CDK5RAP2: variants seen among roughly 807,000 people sequenced by gnomAD.
The protein encoded by CDK5RAP2 is CDK5 regulatory subunit associated protein 2.
Under a neutral mutation model 232.9 loss-of-function variants are expected in CDK5RAP2, and 147 were observed. The ratio of observed to expected loss-of-function variants is 0.63; its 90% CI spans 0.55 to 0.72. The LOEUF (loss-of-function observed/expected upper bound fraction) is 0.72. Ranked by LOEUF, CDK5RAP2 falls within the 30% of genes least tolerant of loss-of-function variation. The pLI is 0.00. For synonymous variants in CDK5RAP2, 833 were observed against 833.7 expected (o/e 1.00, Z 0.01); for missense variants, 2,195 against 2,231.5 (o/e 0.98, Z 0.33).
At position 120,546,802 on chromosome 9, in the gene CDK5RAP2, C is replaced by CGTTT. The variant is rs780886302; in HGVS notation, c.307-1016_307-1013dup. ...GCGTGCACTGCCACACCCGTCTTTT[C>CGTTT]GTTTGTTTGTTTGTTTTACAGATTG... On this transcript the variant is annotated intron_variant, in intron 4 of 37. Coordinates refer to ENST00000349780, the MANE Select transcript of CDK5RAP2 (RefSeq NM_018249.6). Among the ~76,000 whole-genome samples the CGTTT allele has an allele frequency of 2.6e-5, 4 of 151,804 alleles. No individual in the cohort carries two copies. In the South Asian group the frequency reaches 6.2e-4, roughly 24 times the overall value.
chr9:120,482,182 A>T (rs1461231006), intron 14 of CDK5RAP2, among the ~76,000 whole-genome samples: 2 of 152,156 alleles, frequency 1.3e-5, no homozygotes, highest in Non-Finnish European at 2.9e-5. Flanking sequence ...AAAACAATAA[A>T]TATGGATTTC....
Position 120,580,035 on chromosome 9 carries a change from C to T in CDK5RAP2, c.-57G>A, listed in dbSNP as rs2043187837. 1 of 1,198,914 alleles carries T rather than the reference C, an allele frequency of 8.3e-7. No individual in the cohort carries two copies. The highest frequency in any genetic ancestry group is 2.5e-5 in the East Asian group (1 of 40,708). The allele number at this position is 1,198,914 out of a possible 1,614,324, so 74.3% of individuals were successfully genotyped here. Reference sequence around the variant, plus strand: ...GTGGCGGCGGCGCCACTAGTACCCCCCGCGATAGCGACCCGCCGGGCTCCC... The same window carrying T: ...GTGGCGGCGGCGCCACTAGTACCCCTCGCGATAGCGACCCGCCGGGCTCCC... On this transcript the variant is annotated 5_prime_UTR_variant, in exon 1 of 38. Transcript: ENST00000349780.
In CDK5RAP2 at chr9:120,539,118, G is replaced by A. The variant is rs763240159; in HGVS notation, c.430C>T (p.Arg144Trp). Residue 144 changes from arginine to tryptophan, a missense_variant, in exon 6 of 38, where the codon CGG becomes TGG. By Grantham distance (101) the Arg-to-Trp change is moderately radical (BLOSUM62 -3). Coordinates refer to ENST00000349780, the MANE Select transcript of CDK5RAP2 (RefSeq NM_018249.6). ...TTCTTTCGAGCATCTTCTTTCACCCGCTGGATTTCAGAGCCACCTGCTTCA... is the reference window on the plus strand; with the variant it reads ...TTCTTTCGAGCATCTTCTTTCACCCACTGGATTTCAGAGCCACCTGCTTCA... ...LAEAGGSEIQ[R>W]VKEDARKKVQ... is the part of the protein sequence containing the mutation. 1.2e-6 allele frequency: 2 copies of A among 1,613,846 alleles called. No individual in the cohort carries two copies. The highest frequency in any genetic ancestry group is 8.5e-7 in the Non-Finnish European group (1 of 1,179,842).
chr9:120,477,569 C>T (rs2038083461), intron 14 of CDK5RAP2, 119 bp from the exon 15 acceptor site: 5 of 810,538 alleles, frequency 6.2e-6, no homozygotes, highest in Non-Finnish European at 1.1e-5. Flanking sequence ...GTGAGAGAGG[C>T]CCTGTGCCTG....
intron 11 of CDK5RAP2, among the ~76,000 whole-genome samples, chr9:120,522,460 A>G (rs889996991): frequency 1.4e-5 from 2 of 147,518 alleles, no homozygotes; most frequent in Admixed American, 6.7e-5. Context: ...TTTAAAGTAT[A>G]TATGTATATA....
At chr9:120,434,602 C>T (rs1011765839) in intron 25 of CDK5RAP2, among the ~76,000 whole-genome samples, 29 of 152,136 alleles carry the variant, frequency 1.9e-4, no homozygotes, top group African/African-American at 7.0e-4. Flanking sequence ...CGAGCTGAAG[C>T]GGTGGCAGCA....
intron 11 of CDK5RAP2, among the ~76,000 whole-genome samples, chr9:120,519,144 A>C (rs2040503035): frequency 6.6e-6 from 1 of 151,934 alleles, no homozygotes; most frequent in Non-Finnish European, 1.5e-5. Flanking sequence ...ACTGCACTCC[A>C]GCCTGGGTGA....
intron 25 of CDK5RAP2, among the ~76,000 whole-genome samples, chr9:120,430,297 A>C (rs1292470255): frequency 6.6e-6 from 1 of 152,220 alleles, no homozygotes; most frequent in Non-Finnish European, 1.5e-5. Flanking sequence ...TGCACAGCTA[A>C]AGAAACTACC....
At chr9:120,479,999 A>G (rs1164166027) in intron 14 of CDK5RAP2, among the ~76,000 whole-genome samples, 1 of 152,216 alleles carries the variant, frequency 6.6e-6, no homozygotes, top group East Asian at 1.9e-4. Flanking sequence ...TTCTCTCAAA[A>G]GGCTCAGAAA....
intron 23 of CDK5RAP2, 134 bp downstream of exon 23, chr9:120,443,486 C>T: frequency 9.4e-7 from 1 of 1,061,820 alleles, no homozygotes; most frequent in Non-Finnish European, 1.5e-6. Flanking sequence ...CCTCAGCTTC[C>T]CATGTGTTAG....
chr9:120,492,385 T>G (rs2038953827), intron 12 of CDK5RAP2, among the ~76,000 whole-genome samples: 1 of 152,182 alleles, frequency 6.6e-6, no homozygotes, highest in South Asian at 2.1e-4. Flanking sequence ...GATAGCATAC[T>G]GCCATTTATT....
intron 32 of CDK5RAP2, among the ~76,000 whole-genome samples, chr9:120,404,750 A>G (rs2131284570): frequency 6.6e-6 from 1 of 152,324 alleles, no homozygotes; most frequent in Admixed American, 6.5e-5. Context: ...AGGCTGCCAC[A>G]CTAACCTAAG....
intron 12 of CDK5RAP2, among the ~76,000 whole-genome samples, chr9:120,511,923 A>G (rs2040109945): frequency 6.6e-6 from 1 of 151,894 alleles, no homozygotes; most frequent in African/African-American, 2.4e-5. Flanking sequence ...TTTTTAGTCG[A>G]TACAGGATTT....
chr9:120,487,674 G>A (rs1206821881), intron 13 of CDK5RAP2, among the ~76,000 whole-genome samples: 1 of 152,146 alleles, frequency 6.6e-6, no homozygotes, highest in African/African-American at 2.4e-5. Context: ...AAGGATGGTC[G>A]CAGTCGCTAC....
rs756353704 is a variant in CDK5RAP2 at position 120,487,415 on chromosome 9, T to C, written c.1505A>G (p.Glu502Gly). 3.1e-6 allele frequency: 5 copies of C among 1,608,378 alleles called. No homozygotes were observed. In the South Asian group the frequency reaches 5.6e-5, roughly 18 times the overall value. Residue 502 changes from glutamate to glycine, a missense_variant, in exon 14 of 38, where the codon GAA becomes GGA. Transcript: ENST00000349780. ...TAAATAGCAGTTCTGCTGTATTACT[T>C]CCAAATCTTTTTCATTGAATTTCTA... The part of the protein sequence containing the change: ...LLQKFNEKDL[E>G]VIQQNCYLMA...
At chr9:120,484,870 G>A (rs1404957181) in intron 14 of CDK5RAP2, among the ~76,000 whole-genome samples, 2 of 151,752 alleles carry the variant, frequency 1.3e-5, no homozygotes, top group African/African-American at 2.4e-5. Context: ...GTGCACCACT[G>A]TGCCAACCTA....
chr9:120,467,948 T>C lies in CDK5RAP2; in HGVS notation c.2018A>G (p.His673Arg), dbSNP rs772690769. The change falls in exon 18 of 38, where the codon CAC (histidine) becomes CGC (arginine). Residue 673 changes from histidine to arginine, a missense_variant. By Grantham distance (29) the His-to-Arg change is conservative. Transcript: ENST00000349780. The stretch of plus-strand genomic sequence containing the variant: ...GAGATCAAAAATGGTTTTCTTCAGG[T>C]GCTGGTTGTCTGTATACAGCTCCTT... The part of the protein sequence containing the change: ...LVKELYTDNQ[H>R]LKKTIFDLSC... The C allele has an allele frequency of 2.5e-6, 4 of 1,613,992 alleles. No homozygotes were observed. The highest frequency in any genetic ancestry group is 2.2e-5 in the East Asian group (1 of 44,896).
intron 9 of CDK5RAP2, 31 bp from the exon 10 acceptor site, chr9:120,527,956 T>C: frequency 1.2e-6 from 2 of 1,612,772 alleles, no homozygotes; most frequent in Admixed American, 1.7e-5. Flanking sequence ...ATTCACTAAG[T>C]TGATGCGTTC....
intron 4 of CDK5RAP2, among the ~76,000 whole-genome samples, chr9:120,546,202 G>T: frequency 6.6e-6 from 1 of 152,174 alleles, no homozygotes; most frequent in Non-Finnish European, 1.5e-5. Context: ...TGTGGTGGAT[G>T]CAGCAGTGGG....
Sources: allele counts gnomAD v4.1 joint callset (sites outside exome capture counted in the v4.1 genomes callset), GRCh38; gene constraint gnomAD v4.1.1; transcripts MANE v1.5; gene names NCBI Gene and HGNC (gene_info 2026-07-23, HGNC 2026-07-21).